HS6ST3: variants seen among roughly 807,000 people sequenced by gnomAD.
HS6ST3 encodes the protein heparan-sulfate 6-O-sulfotransferase 3.
A neutral mutation model predicts 36.7 loss-of-function variants in HS6ST3; 12 were observed. That is an observed-to-expected ratio of 0.33 (90% confidence interval 0.21 to 0.53). HS6ST3 has a LOEUF of 0.53. Among genes scored for constraint, HS6ST3 ranks in the 20% least tolerant of loss-of-function variants. The pLI is 0.95. For synonymous variants in HS6ST3, 240 were observed against 257.5 expected (o/e 0.93, Z 0.65); for missense variants, 584 against 640.9 (o/e 0.91, Z 0.96).
chr13:96,539,887 G>T (rs2056171240), intron 1 of HS6ST3, among the ~76,000 whole-genome samples: 2 of 152,088 alleles, frequency 1.3e-5, no homozygotes, highest in South Asian at 4.2e-4. Flanking sequence ...CTCCCTTATG[G>T]CCCATGCAAT....
chr13:96,441,660 T>G (rs951775825), intron 1 of HS6ST3, among the ~76,000 whole-genome samples: 5 of 152,132 alleles, frequency 3.3e-5, no homozygotes, highest in African/African-American at 7.2e-5. Flanking sequence ...ATGTGAGATA[T>G]TACATCCATA....
At chr13:96,247,903 T>G (rs1222820088) in intron 1 of HS6ST3, among the ~76,000 whole-genome samples, 1 of 152,202 alleles carries the variant, frequency 6.6e-6, no homozygotes, top group Non-Finnish European at 1.5e-5. Flanking sequence ...CTTAAGGTTA[T>G]AGGGATAGGG....
chr13:96,357,628 T>A (rs2055216577), intron 1 of HS6ST3, among the ~76,000 whole-genome samples: 1 of 152,116 alleles, frequency 6.6e-6, no homozygotes, highest in Non-Finnish European at 1.5e-5. Context: ...AGTGGTGCAA[T>A]CATAGCTCAC....
At chr13:96,582,419 T>G (rs1262374728) in intron 1 of HS6ST3, among the ~76,000 whole-genome samples, 3 of 152,246 alleles carry the variant, frequency 2.0e-5, no homozygotes, top group Non-Finnish European at 2.9e-5. Flanking sequence ...GCAAAGTTTA[T>G]TAGTTCACAT....
In HS6ST3 at chr13:96,091,544, T is replaced by C. The variant is rs2053764537; in HGVS notation, c.682T>C (p.Cys228Arg). The C allele has an allele frequency of 2.5e-6, 4 of 1,584,694 alleles. No homozygotes were observed. Among genetic ancestry groups the C allele is most frequent in the Non-Finnish European group, 3.4e-6 (4 of 1,170,954 alleles). ...GCCGGCCATCATGGAGAAGAAGGAC[T>C]GTCCCCGCAACCACAGCCACACCAG... Reference protein sequence around the residue: ...CVPAIMEKKDCPRNHSHTRNF... With the variant: ...CVPAIMEKKDRPRNHSHTRNF... The change falls in exon 1 of 2, where the codon TGT (cysteine) becomes CGT (arginine). Residue 228 changes from cysteine to arginine, a missense_variant. Physicochemically the swap from Cys to Arg is radical, Grantham distance 180. This residue lies in a region of HS6ST3 where 360 missense variants were observed against 411.3 expected (regional missense o/e 0.88). Coordinates refer to ENST00000376705, the MANE Select transcript of HS6ST3 (RefSeq NM_153456.4).
intron 1 of HS6ST3, among the ~76,000 whole-genome samples, chr13:96,153,782 A>G (rs1322049258): frequency 6.6e-6 from 1 of 152,254 alleles, no homozygotes; most frequent in Non-Finnish European, 1.5e-5. Context: ...ACCTTTATTA[A>G]TGGAGGTATC....
intron 1 of HS6ST3, among the ~76,000 whole-genome samples, chr13:96,112,156 G>T (rs1438063283): frequency 6.6e-6 from 1 of 152,106 alleles, no homozygotes; most frequent in Non-Finnish European, 1.5e-5. Flanking sequence ...TGAGTTGAAT[G>T]TGTGATATAG....
chr13:96,315,194 T>A (rs2054962327), intron 1 of HS6ST3, among the ~76,000 whole-genome samples: 1 of 152,216 alleles, frequency 6.6e-6, no homozygotes, highest in South Asian at 2.1e-4. Context: ...AGATTAATTA[T>A]TCTTGGTTGG....
At position 96,707,327 on chromosome 13, in the gene HS6ST3, C is replaced by T. The variant is rs78076529; in HGVS notation, c.708-125163C>T. Among the ~76,000 whole-genome samples the T allele has an allele frequency of 5.5e-3, 836 of 152,268 alleles. 4 individuals are homozygous for T. Among genetic ancestry groups the T allele is most frequent in the African/African-American group, 0.019 (781 of 41,544 alleles). Reference sequence around the variant, plus strand: ...GGAAAGAGGCCTCACACCAAGAACCCGACCATGCTGGCACCCTGATCTCAG... The same window carrying T: ...GGAAAGAGGCCTCACACCAAGAACCTGACCATGCTGGCACCCTGATCTCAG... On this transcript the variant is annotated intron_variant, in intron 1 of 1. Transcript: ENST00000376705.
At position 96,254,484 on chromosome 13, in the gene HS6ST3, T is replaced by C. The variant is rs1174424419; in HGVS notation, c.707+162915T>C. ...ATATATATATATATATATATATATA[T>C]ATATATATATATATACACATACATA... On this transcript the variant is annotated intron_variant, in intron 1 of 1. Coordinates refer to ENST00000376705, the MANE Select transcript of HS6ST3 (RefSeq NM_153456.4). Among the ~76,000 whole-genome samples the C allele has an allele frequency of 2.7e-4, 5 of 18,598 alleles. 1 individual carries two copies. The highest frequency in any genetic ancestry group is 1.6e-3 in the East Asian group (1 of 632). 12.2% of individuals were successfully genotyped at this position (18,598 alleles called of 152,430 possible).
intron 1 of HS6ST3, among the ~76,000 whole-genome samples, chr13:96,655,397 G>A (rs2056621312): frequency 6.6e-6 from 1 of 152,088 alleles, no homozygotes; most frequent in African/African-American, 2.4e-5. Context: ...ATTTCCAGGA[G>A]GGGGATTGCA....
intron 1 of HS6ST3, among the ~76,000 whole-genome samples, chr13:96,528,450 C>T (rs1233711251): frequency 1.3e-5 from 2 of 152,130 alleles, no homozygotes; most frequent in South Asian, 2.1e-4. Context: ...AGCTGCTTGA[C>T]AGGGGCCCAA....
chr13:96,217,818 A>G (rs2054434568), intron 1 of HS6ST3, among the ~76,000 whole-genome samples: 1 of 152,162 alleles, frequency 6.6e-6, no homozygotes, highest in African/African-American at 2.4e-5. Context: ...ATATATTTAT[A>G]TACATGTATG....
At chr13:96,765,588 TTCTCTCTC>T (rs58979172) in intron 1 of HS6ST3, among the ~76,000 whole-genome samples, 29,266 of 142,604 alleles carry the variant, frequency 0.21, 2,787 homozygotes, top group African/African-American at 0.22. Flanking sequence ...CTCTCTCTCT[TTCTCTCTC>T]TCTCTCTCTC....
intron 1 of HS6ST3, among the ~76,000 whole-genome samples, chr13:96,537,111 AG>A (rs1205252196): frequency 6.6e-6 from 1 of 152,176 alleles, no homozygotes; most frequent in Non-Finnish European, 1.5e-5. Context: ...ATAAAGAAAA[AG>A]GTTTAATGGA....
At chr13:96,453,016 C>T (rs996198374) in intron 1 of HS6ST3, among the ~76,000 whole-genome samples, 48 of 151,970 alleles carry the variant, frequency 3.2e-4, no homozygotes, top group Non-Finnish European at 1.2e-4. Context: ...TGCCCCTCTA[C>T]CTCCAAGTCC....
intron 1 of HS6ST3, among the ~76,000 whole-genome samples, chr13:96,598,613 A>T (rs2056410592): frequency 6.6e-6 from 1 of 152,070 alleles, no homozygotes; most frequent in South Asian, 2.1e-4. Flanking sequence ...AGGTCATATC[A>T]TCAGCAAACA....
chr13:96,524,358 G>C (rs186256116), intron 1 of HS6ST3, among the ~76,000 whole-genome samples: 3 of 152,176 alleles, frequency 2.0e-5, no homozygotes, highest in Non-Finnish European at 4.4e-5. Flanking sequence ...GTCAGAGCTC[G>C]AACGCTGCAC....
intron 1 of HS6ST3, among the ~76,000 whole-genome samples, chr13:96,601,500 GT>G (rs1365411712): frequency 2.6e-5 from 4 of 151,758 alleles, no homozygotes; most frequent in Admixed American, 2.6e-4. Flanking sequence ...TATCTTTAAT[GT>G]TTCTTATTTG....
Sources: allele counts gnomAD v4.1 joint callset (sites outside exome capture counted in the v4.1 genomes callset), GRCh38; gene constraint gnomAD v4.1.1; regional missense constraint gnomAD v4.1.1; transcripts MANE v1.5; gene names NCBI Gene and HGNC (gene_info 2026-07-23, HGNC 2026-07-21).